ADRA1D: variants seen among roughly 807,000 people sequenced by gnomAD.
The protein encoded by ADRA1D is adrenoceptor alpha 1D.
ADRA1D carries 22 observed loss-of-function variants against 18.6 expected under a neutral mutation model. That is an observed-to-expected ratio of 1.19 (90% CI 0.85 to 1.69). ADRA1D has a LOEUF of 1.69. Among genes scored for constraint, ADRA1D ranks in the 40% most tolerant of loss-of-function variants. The probability of loss-of-function intolerance (pLI) is 0.00; values close to 1 mark genes in which losing one functional copy is unlikely to be tolerated. For missense variants in ADRA1D, 840 were observed against 840.7 expected (o/e 1.00, Z 0.01); for synonymous variants, 376 against 388.2 (o/e 0.97, Z 0.37).
chr20:4,221,807 C>A lies in ADRA1D; in HGVS notation c.1435G>T (p.Glu479Ter). 7.7e-7 allele frequency: 1 copy of A among 1,301,420 alleles called. No homozygotes were observed. The highest frequency in any genetic ancestry group is 1.0e-6 in the Non-Finnish European group (1 of 993,684). The allele number at this position is 1,301,420 out of a possible 1,614,324, so 80.6% of individuals were successfully genotyped here. A position where few individuals can be genotyped will look rare whatever the true frequency, so the allele number is the denominator to read the frequency against. ...DPDPEPPGTP[E>*]MQAPVASRRK... ...CGGCTGGCGACCGGAGCCTGCATCT[C>A]GGGCGTGCCTGGGGGTTCGGGGTCG... Residue 479 changes from glutamate to a stop codon, truncating the protein, a stop_gained, in exon 2 of 2, where the codon GAG (glutamate) becomes TAG (stop). Transcript: ENST00000379453. LOFTEE classifies it low-confidence loss of function (END_TRUNC).
In ADRA1D at chr20:4,222,020, C is replaced by CCGCTTGAAG; in HGVS notation, c.1221_1222insCTTCAAGCG (p.Arg407_Glu408insLeuGlnAla). On this transcript the variant is annotated inframe_insertion, in exon 2 of 2. Coordinates refer to ENST00000379453, the MANE Select transcript of ADRA1D (RefSeq NM_000678.4). The surrounding 1 kb of genome is among the most constrained non-coding windows in gnomAD (Gnocchi z 4.3). ...AGACGGAGGAAGGCGCGCTTGAACT[C>CCGCTTGAAG]GCGGCTGGAACAGGGGTAGATGAGC... The CCGCTTGAAG allele has an allele frequency of 3.1e-6, 5 of 1,605,024 alleles. No homozygotes were observed. The highest frequency in any genetic ancestry group is 4.3e-6 in the Non-Finnish European group (5 of 1,175,570).
rs550597342 is a variant in ADRA1D at position 4,238,075 on chromosome 20, C to A, written c.1111+9772G>T. Among the ~76,000 whole-genome samples the A allele has an allele frequency of 3.1e-3, 430 of 140,322 alleles. 2 individuals carry two copies. Among genetic ancestry groups the A allele is most frequent in the African/African-American group, 0.013 (402 of 31,810 alleles). The allele number at this position is 140,322 out of a possible 152,430, so 92.1% of individuals were successfully genotyped here. A position where few individuals can be genotyped will look rare whatever the true frequency, so the allele number is the denominator to read the frequency against. ...CCAGCCTGGCCAACATGGTGAAACCCCCCCCGTCTCTACTAAAAATAAAAA... is the reference window on the plus strand; with the variant it reads ...CCAGCCTGGCCAACATGGTGAAACCACCCCCGTCTCTACTAAAAATAAAAA... On this transcript the variant is annotated intron_variant, in intron 1 of 1. Coordinates refer to ENST00000379453, the MANE Select transcript of ADRA1D (RefSeq NM_000678.4).
chr20:4,232,849 G>A (rs1981001357), intron 1 of ADRA1D, among the ~76,000 whole-genome samples: 2 of 152,300 alleles, frequency 1.3e-5, no homozygotes, highest in African/African-American at 4.8e-5. Flanking sequence ...GAGAAGGCCG[G>A]CCCCCTTGCC....
intron 1 of ADRA1D, among the ~76,000 whole-genome samples, chr20:4,237,372 A>C (rs1359419905): frequency 1.3e-5 from 2 of 152,092 alleles, no homozygotes; most frequent in African/African-American, 2.4e-5. Flanking sequence ...CAGCCTGGGC[A>C]ACAGAGTAAG....
chr20:4,226,144 G>GT (rs1378058868), intron 1 of ADRA1D, among the ~76,000 whole-genome samples: 2 of 152,242 alleles, frequency 1.3e-5, no homozygotes, highest in African/African-American at 4.8e-5. Flanking sequence ...ATTCAGACTG[G>GT]TGGGCAACAT....
At chr20:4,230,424 G>A (rs990845680) in intron 1 of ADRA1D, among the ~76,000 whole-genome samples, 7 of 152,180 alleles carry the variant, frequency 4.6e-5, no homozygotes, top group African/African-American at 1.2e-4. Flanking sequence ...TGGTCACCAC[G>A]TCCTGTGCGG....
intron 1 of ADRA1D, among the ~76,000 whole-genome samples, chr20:4,237,718 G>C (rs950075512): frequency 1.3e-5 from 2 of 149,814 alleles, no homozygotes; most frequent in African/African-American, 4.9e-5. Context: ...GAGTGCAATG[G>C]CTCCATCTCG....
At chr20:4,247,333 C>T (rs1043407539) in intron 1 of ADRA1D, among the ~76,000 whole-genome samples, 17 of 152,228 alleles carry the variant, frequency 1.1e-4, no homozygotes, top group African/African-American at 3.9e-4. Flanking sequence ...GAAACACCAG[C>T]TGGGGAGGGT....
rs766186448 is a variant in ADRA1D, at chr20:4,239,349, G to A, written c.1111+8498C>T. ...GGCAGAGGACAAGATCTTCAGGGGA[G>A]GGGAAGGAGGAATATATGTCCAAGG... On this transcript the variant is annotated intron_variant, in intron 1 of 1. Transcript: ENST00000379453. This position sits in a 1 kb window ranked among gnomAD's most constrained non-coding sequence, Gnocchi z 4.9. Among the ~76,000 whole-genome samples the A allele has an allele frequency of 4.6e-5, 7 of 152,202 alleles. No homozygotes were observed. Among genetic ancestry groups the A allele is most frequent in the Non-Finnish European group, 1.0e-4 (7 of 68,032 alleles).
intron 1 of ADRA1D, among the ~76,000 whole-genome samples, chr20:4,227,704 C>CCTTCCCT (rs1980839730): frequency 3.2e-5 from 3 of 92,542 alleles, no homozygotes; most frequent in South Asian, 3.8e-4. Context: ...CCCTCCCTCC[C>CCTTCCCT]TCCTTCCTTC....
intron 1 of ADRA1D, among the ~76,000 whole-genome samples, chr20:4,231,447 G>GCACTGTCCAATATGTTTTTC (rs1980968955): frequency 6.6e-6 from 1 of 151,986 alleles, no homozygotes; most frequent in Non-Finnish European, 1.5e-5. Context: ...GCATGTTTTT[G>GCACTGTCCAATATGTTTTTC]CACTGTCCAA....
At chr20:4,224,126 A>T (rs942921132) in intron 1 of ADRA1D, among the ~76,000 whole-genome samples, 1 of 152,172 alleles carries the variant, frequency 6.6e-6, no homozygotes, top group Non-Finnish European at 1.5e-5. Flanking sequence ...ACAAATAGTG[A>T]AGGGGCTTAC....
chr20:4,228,297 T>C (rs762496956), intron 1 of ADRA1D, among the ~76,000 whole-genome samples: 2 of 152,326 alleles, frequency 1.3e-5, no homozygotes, highest in South Asian at 2.1e-4. Flanking sequence ...CTATGTCCCA[T>C]ATTTCCAGTG....
intron 1 of ADRA1D, among the ~76,000 whole-genome samples, chr20:4,236,467 T>C (rs948441695): frequency 6.6e-6 from 1 of 152,106 alleles, no homozygotes; most frequent in South Asian, 2.1e-4. Context: ...GATGCTCAGG[T>C]TCCTGGCTTG....
chr20:4,248,436 G>T lies in ADRA1D; in HGVS notation c.522C>A (p.Ala174=), dbSNP rs768538561. The part of the protein sequence containing the change: ...FGRAFCDVWA[A]VDVLCCTASI... ...AGGCCGTGCAGCACAGCACGTCCAC[G>T]GCGGCCCATACGTCGCAGAAGGCGC... Residue 174 remains alanine, a synonymous_variant, in exon 1 of 2, where the codon GCC becomes GCA. Transcript: ENST00000379453. The T allele has an allele frequency of 6.2e-7, 1 of 1,611,778 alleles. No homozygotes were observed. The highest frequency in any genetic ancestry group is 8.5e-7 in the Non-Finnish European group (1 of 1,179,134).
At position 4,248,463 on chromosome 20, in the gene ADRA1D, G is replaced by A; in HGVS notation, c.495C>T (p.Gly165=). The A allele has an allele frequency of 6.2e-7, 1 of 1,612,642 alleles. No homozygotes were observed. Among genetic ancestry groups the A allele is most frequent in the Non-Finnish European group, 8.5e-7 (1 of 1,179,514 alleles). ...TMEVLGFWAF[G]RAFCDVWAAV... is the part of the protein sequence containing the mutation. The stretch of plus-strand genomic sequence containing the variant: ...CGGCCCATACGTCGCAGAAGGCGCG[G>A]CCAAAGGCCCAGAAGCCCAGAACCT... The change falls in exon 1 of 2, where the codon GGC becomes GGT. Residue 165 remains glycine, a synonymous_variant. Transcript: ENST00000379453.
Position 4,248,304 on chromosome 20 carries a change from G to A in ADRA1D, c.654C>T (p.Ala218=), listed in dbSNP as rs1480175146. Residue 218 remains alanine, a synonymous_variant, in exon 1 of 2, where the codon GCC becomes GCT. Transcript: ENST00000379453. The part of the protein sequence containing the change: ...MTERKAAAIL[A]LLWVVALVVS... The stretch of plus-strand genomic sequence containing the variant: ...CCACCAGGGCTACGACCCAGAGCAG[G>A]GCCAGGATGGCGGCCGCCTTGCGCT... 78 of 1,607,268 alleles carry A rather than the reference G, an allele frequency of 4.9e-5. No individual in the cohort carries two copies. Among genetic ancestry groups the A allele is most frequent in the Non-Finnish European group, 6.5e-5 (76 of 1,177,226 alleles).
rs1981294824 is a variant in ADRA1D, at chr20:4,244,742, C to A, written c.1111+3105G>T. On this transcript the variant is annotated intron_variant, in intron 1 of 1. Transcript: ENST00000379453. ...TTCCTGCACAGCCTCCAGACCCCTC[C>A]TGCTCCAAATGGGCTCTGCCCTCCC... 2.6e-5 allele frequency among the ~76,000 whole-genome samples: 4 copies of A among 152,384 alleles called. No homozygotes were observed. The South Asian group carries it at 6.2e-4, about 24-fold the overall frequency.
chr20:4,222,583 C>G lies in ADRA1D; in HGVS notation c.1112-453G>C, dbSNP rs117101627. ...GATAAAATAGGATAGAACATACGCC[C>G]CCGCCTCCCTGCCACATCTCCTGTC... On this transcript the variant is annotated intron_variant, in intron 1 of 1. Transcript: ENST00000379453. This position sits in a 1 kb window ranked among gnomAD's most constrained non-coding sequence, Gnocchi z 4.3. 6.4e-3 allele frequency among the ~76,000 whole-genome samples: 976 copies of G among 152,266 alleles called. 9 individuals are homozygous for G. Among genetic ancestry groups the G allele is most frequent in the Middle Eastern group, 0.024 (7 of 294 alleles).
Sources: gnomAD v4.1 joint callset for allele counts (sites outside exome capture counted in the v4.1 genomes callset) on GRCh38, gnomAD v4.1.1 for gene constraint, Gnocchi (gnomAD v3.1) non-coding constraint, MANE v1.5 for transcripts, NCBI Gene and HGNC (gene_info 2026-07-23, HGNC 2026-07-21) for gene names.